The following CALD1 variants were observed in gnomAD, a reference collection of about 807,000 sequenced individuals.
CALD1 encodes caldesmon.
CALD1 carries 33 observed loss-of-function variants against 99.9 expected under a neutral mutation model. The ratio of observed to expected loss-of-function variants is 0.33; its 90% CI spans 0.25 to 0.44. The LOEUF (loss-of-function observed/expected upper bound fraction) is 0.44, where lower values mean the gene tolerates loss of function less well. Among genes scored for constraint, CALD1 ranks in the 20% least tolerant of loss-of-function variants. The probability of loss-of-function intolerance (pLI) is 1.00; values close to 1 mark genes in which losing one functional copy is unlikely to be tolerated. For missense variants in CALD1, 861 were observed against 962.1 expected (o/e 0.89, Z 1.39); for synonymous variants, 310 against 325.0 (o/e 0.95, Z 0.50).
At chr7:134,963,049 C>A (rs555010577) in intron 13 of CALD1, 5 of 376,936 alleles carry the variant, frequency 1.3e-5, no homozygotes, top group South Asian at 1.0e-4. Context: ...GATTCATCGG[C>A]AGGATTTATG....
At chr7:134,813,587 C>A (rs1798443164) in intron 1 of CALD1, among the ~76,000 whole-genome samples, 1 of 152,066 alleles carries the variant, frequency 6.6e-6, no homozygotes, top group Admixed American at 6.6e-5. Flanking sequence ...ATGGTAGAAG[C>A]CTGTGATGCT....
At chr7:134,854,628 A>C (rs1800222979) in intron 2 of CALD1, among the ~76,000 whole-genome samples, 1 of 152,156 alleles carries the variant, frequency 6.6e-6, no homozygotes, top group African/African-American at 2.4e-5. Flanking sequence ...TTCTCAATTT[A>C]AGGTGGTCAG....
intron 1 of CALD1, among the ~76,000 whole-genome samples, chr7:134,828,986 TC>T (rs36066526): frequency 0.038 from 5,806 of 151,602 alleles, 131 homozygotes; most frequent in Non-Finnish European, 0.052. Flanking sequence ...TCTATAAAGC[TC>T]CCCCCCCATC....
rs1554479079 is a variant in CALD1, at chr7:134,958,885, A to ATATATATATTTAAC, written c.2061+604_2061+605insTTAACTATATATAT. Among the ~76,000 whole-genome samples the ATATATATATTTAAC allele has an allele frequency of 6.8e-4, 32 of 46,740 alleles. 1 individual carries two copies. Among genetic ancestry groups the ATATATATATTTAAC allele is most frequent in the South Asian group, 2.2e-3 (3 of 1,340 alleles). The allele number at this position is 46,740 out of a possible 152,430, so 30.7% of individuals were successfully genotyped here. On this transcript the variant is annotated intron_variant, in intron 11 of 14. Transcript: ENST00000361675. ...TACTGGTATTTAAATATATATATATATATATATATATATATATATATATAT... is the reference window on the plus strand; with the variant it reads ...TACTGGTATTTAAATATATATATATATATATATATTTAACTATATATATATATATATATATATAT...
chr7:134,850,570 A>G (rs149234007), intron 2 of CALD1, among the ~76,000 whole-genome samples: 1 of 152,216 alleles, frequency 6.6e-6, no homozygotes, highest in East Asian at 1.9e-4. Flanking sequence ...TAAGTGCTAC[A>G]TAACTGTTGT....
chr7:134,959,740 AC>A (rs1292581070), intron 11 of CALD1, among the ~76,000 whole-genome samples: 1 of 152,208 alleles, frequency 6.6e-6, no homozygotes, highest in Non-Finnish European at 1.5e-5. Flanking sequence ...TGGTGTCCCA[AC>A]AAAAAGCATA....
chr7:134,855,812 G>C (rs928372632), intron 2 of CALD1, among the ~76,000 whole-genome samples: 9 of 152,162 alleles, frequency 5.9e-5, no homozygotes, highest in Non-Finnish European at 2.9e-5. Context: ...AGAGATTTTA[G>C]GTCAGGGAGA....
At chr7:134,823,231 T>G (rs1301094443) in intron 1 of CALD1, among the ~76,000 whole-genome samples, 1 of 152,150 alleles carries the variant, frequency 6.6e-6, no homozygotes, top group Admixed American at 6.6e-5. Context: ...ATGGGATGAA[T>G]AAAATATCTC....
chr7:134,859,302 TTG>T (rs1228278286), intron 2 of CALD1, among the ~76,000 whole-genome samples: 1 of 152,202 alleles, frequency 6.6e-6, no homozygotes, highest in East Asian at 1.9e-4. Context: ...TACATATTTG[TTG>T]CAAGTCTACG....
intron 3 of CALD1, among the ~76,000 whole-genome samples, chr7:134,877,491 G>A (rs1427684096): frequency 6.6e-6 from 1 of 152,144 alleles, no homozygotes; most frequent in Non-Finnish European, 1.5e-5. Context: ...ATATACATAT[G>A]TGTATGTATG....
chr7:134,735,456 C>A, the CALD1 span, among the ~76,000 whole-genome samples: 1 of 151,982 alleles, frequency 6.6e-6, no homozygotes. Flanking sequence ...GCCATATATG[C>A]GTACAATCTG....
At chr7:134,865,947 C>T (rs1029011302) in intron 2 of CALD1, among the ~76,000 whole-genome samples, 8 of 152,184 alleles carry the variant, frequency 5.3e-5, no homozygotes, top group Admixed American at 3.9e-4. Context: ...TGCTTATAGA[C>T]GGACCTCTTT....
At chr7:134,772,687 T>C (rs1438363388) in intron 1 of CALD1, among the ~76,000 whole-genome samples, 6 of 152,260 alleles carry the variant, frequency 3.9e-5, no homozygotes, top group Non-Finnish European at 7.3e-5. Flanking sequence ...TTTCCTTTCT[T>C]GTACAAATTT....
At chr7:134,733,937 CTT>C in the CALD1 span, among the ~76,000 whole-genome samples, 2 of 150,588 alleles carry the variant, frequency 1.3e-5, no homozygotes, top group East Asian at 1.9e-4. Flanking sequence ...TATAATATAA[CTT>C]ATATAGTATA....
chr7:134,760,129 A>C (rs2131592384), intron 1 of CALD1, among the ~76,000 whole-genome samples: 1 of 152,276 alleles, frequency 6.6e-6, no homozygotes, highest in Admixed American at 6.5e-5. Context: ...GCTAGAGCAA[A>C]GGGAGAGAGC....
At chr7:134,960,394 A>G in intron 12 of CALD1, 139 bp from the exon 13 acceptor site, 2 of 673,362 alleles carry the variant, frequency 3.0e-6, no homozygotes, top group Admixed American at 5.2e-5. Context: ...ACCAGATAAC[A>G]TATTCTGTAA....
intron 1 of CALD1, among the ~76,000 whole-genome samples, chr7:134,833,892 C>G (rs1242617844): frequency 6.6e-6 from 1 of 152,074 alleles, no homozygotes; most frequent in African/African-American, 2.4e-5. Context: ...AGTAGAAGAG[C>G]AAATCTCAAA....
chr7:134,881,982 A>C (rs1801625559), intron 3 of CALD1, among the ~76,000 whole-genome samples: 1 of 152,192 alleles, frequency 6.6e-6, no homozygotes, highest in Admixed American at 6.6e-5. Context: ...CTTACGTCGC[A>C]CTTTTTACAT....
At chr7:134,767,169 TAC>T (rs1334170491) in intron 1 of CALD1, among the ~76,000 whole-genome samples, 2 of 149,228 alleles carry the variant, frequency 1.3e-5, no homozygotes, top group African/African-American at 5.0e-5. Context: ...CTCCCTCGTG[TAC>T]ACACACTCTC....
Sources: gnomAD v4.1 joint callset for allele counts (sites outside exome capture counted in the v4.1 genomes callset) on GRCh38, gnomAD v4.1.1 for gene constraint, MANE v1.5 for transcripts, NCBI Gene and HGNC (gene_info 2026-07-23, HGNC 2026-07-21) for gene names.